The following GLIS3 variants were observed in gnomAD, a reference collection of about 807,000 sequenced individuals.
GLIS3 encodes zinc finger protein GLIS3.
A neutral mutation model predicts 78.6 loss-of-function variants in GLIS3; 53 were observed. The ratio of observed to expected loss-of-function variants is 0.67; its 90% CI spans 0.54 to 0.85. The LOEUF (loss-of-function observed/expected upper bound fraction) is 0.85, where lower values mean the gene tolerates loss of function less well. GLIS3 is among the 40% of genes least tolerant of loss of function. The pLI, the probability that GLIS3 is intolerant of heterozygous loss-of-function variation, is 0.00. For synonymous variants in GLIS3, 684 were observed against 509.9 expected, an observed-to-expected ratio of 1.34 and a Z score of -4.60; for missense variants, 1,703 against 1,231.1, an observed-to-expected ratio of 1.38 and a Z score of -5.74.
intron 2 of GLIS3, among the ~76,000 whole-genome samples, chr9:4,209,182 T>A (rs56315446): frequency 1.3e-5 from 2 of 152,032 alleles, no homozygotes; most frequent in South Asian, 2.1e-4. Context: ...CCCAACCCCC[T>A]CATCTTATAA....
chr9:3,945,532 T>C (rs952995252), intron 4 of GLIS3, among the ~76,000 whole-genome samples: 2 of 152,198 alleles, frequency 1.3e-5, no homozygotes, highest in East Asian at 3.9e-4. Context: ...TTCCAGGAGA[T>C]AGACATACAT....
the GLIS3 span, among the ~76,000 whole-genome samples, chr9:4,403,886 C>A: frequency 3.3e-5 from 5 of 151,948 alleles, no homozygotes; most frequent in African/African-American, 1.2e-4. Flanking sequence ...AATAATAATA[C>A]TGAGTGAAAA....
intron 6 of GLIS3, among the ~76,000 whole-genome samples, chr9:3,912,955 A>G (rs1004354604): frequency 3.3e-5 from 5 of 152,192 alleles, no homozygotes; most frequent in African/African-American, 1.2e-4. Flanking sequence ...GTGACCACAC[A>G]CATTCCATCC....
chr9:4,408,958 A>G, the GLIS3 span, among the ~76,000 whole-genome samples: 1 of 152,002 alleles, frequency 6.6e-6, no homozygotes, highest in South Asian at 2.1e-4. Context: ...TACCCCACAC[A>G]TACATACACC....
the GLIS3 span, among the ~76,000 whole-genome samples, chr9:4,365,328 C>T: frequency 1.3e-5 from 2 of 152,032 alleles, no homozygotes; most frequent in African/African-American, 4.8e-5. Flanking sequence ...GAGGCTGAGT[C>T]AGGTGGATCA....
intron 2 of GLIS3, among the ~76,000 whole-genome samples, chr9:4,137,294 A>G (rs1227926584): frequency 1.3e-5 from 2 of 152,276 alleles, no homozygotes; most frequent in South Asian, 2.1e-4. Context: ...TGAATCATGC[A>G]ATCTCCTACC....
intron 4 of GLIS3, among the ~76,000 whole-genome samples, chr9:4,072,607 TA>T (rs1290511311): frequency 6.6e-6 from 1 of 152,202 alleles, no homozygotes; most frequent in African/African-American, 2.4e-5. Flanking sequence ...GCATTCACTG[TA>T]AATAAAACAT....
chr9:4,328,028 G>C (rs1442863324), intron 2 of GLIS3, among the ~76,000 whole-genome samples: 1 of 152,198 alleles, frequency 6.6e-6, no homozygotes, highest in Non-Finnish European at 1.5e-5. Flanking sequence ...GCATGTTCCT[G>C]TGTTGTTCAC....
At chr9:4,130,727 G>C (rs141657689) in intron 2 of GLIS3, among the ~76,000 whole-genome samples, 32 of 152,344 alleles carry the variant, frequency 2.1e-4, no homozygotes, top group African/African-American at 7.0e-4. Context: ...GCCACACGGA[G>C]AACCACTTCT....
At chr9:4,301,086 T>A (rs1363898739), upstream of GLIS3, among the ~76,000 whole-genome samples, 1 of 152,164 alleles carries the variant, frequency 6.6e-6, no homozygotes, top group Admixed American at 6.5e-5. Context: ...AAAAGACTAT[T>A]GGCAGTTTTC....
At chr9:4,462,902 A>G in the GLIS3 span, among the ~76,000 whole-genome samples, 1 of 152,228 alleles carries the variant, frequency 6.6e-6, no homozygotes, top group Non-Finnish European at 1.5e-5. Flanking sequence ...ATCAATAGAA[A>G]TATTGCACTT....
At chr9:4,414,161 T>C in the GLIS3 span, among the ~76,000 whole-genome samples, 2 of 152,012 alleles carry the variant, frequency 1.3e-5, no homozygotes, top group African/African-American at 2.4e-5. Context: ...AAGGGTAGAA[T>C]TGAGAGTCAA....
intron 7 of GLIS3, among the ~76,000 whole-genome samples, chr9:3,883,485 CTG>C (rs1158318240): frequency 6.6e-6 from 1 of 152,222 alleles, no homozygotes; most frequent in Non-Finnish European, 1.5e-5. Context: ...TAGAGTAAAA[CTG>C]TAATGTCATT....
chr9:4,105,901 T>G (rs1445019612), intron 4 of GLIS3, among the ~76,000 whole-genome samples: 2 of 152,118 alleles, frequency 1.3e-5, no homozygotes, highest in Non-Finnish European at 2.9e-5. Flanking sequence ...GTTAGAGTCC[T>G]CACCAGCAGT....
At chr9:4,336,535 A>T (rs1345493797) in intron 2 of GLIS3, among the ~76,000 whole-genome samples, 1 of 152,122 alleles carries the variant, frequency 6.6e-6, no homozygotes, top group African/African-American at 2.4e-5. Context: ...GCATCCTCAC[A>T]TGAGCCCTGA....
At chr9:3,962,259 A>G (rs1336556152) in intron 4 of GLIS3, among the ~76,000 whole-genome samples, 4 of 152,096 alleles carry the variant, frequency 2.6e-5, no homozygotes, top group Non-Finnish European at 2.9e-5. Context: ...GCAGTATCAA[A>G]GAACTTTTGT....
chr9:4,435,947 TCAAAA>T, the GLIS3 span, among the ~76,000 whole-genome samples: 28 of 151,366 alleles, frequency 1.8e-4, no homozygotes, highest in Non-Finnish European at 2.8e-4. Flanking sequence ...AGACTCCGTC[TCAAAA>T]CAAAACAAAA....
intron 2 of GLIS3, among the ~76,000 whole-genome samples, chr9:4,156,732 T>C (rs1835067881): frequency 6.6e-6 from 1 of 152,148 alleles, no homozygotes; most frequent in Admixed American, 6.5e-5. Context: ...TCAGTAAGTT[T>C]CATGCCCTTA....
chr9:4,100,935 T>G (rs995433382), intron 4 of GLIS3, among the ~76,000 whole-genome samples: 3 of 152,204 alleles, frequency 2.0e-5, no homozygotes, highest in African/African-American at 7.2e-5. Context: ...TAAATGGCAC[T>G]GCTGGAGTTA....
Sources: gnomAD v4.1 joint callset for allele counts (sites outside exome capture counted in the v4.1 genomes callset) on GRCh38, gnomAD v4.1.1 for gene constraint, MANE v1.5 for transcripts, NCBI Gene and HGNC (gene_info 2026-07-23, HGNC 2026-07-21) for gene names.